COL24A1: variants seen among roughly 807,000 people sequenced by gnomAD.
COL24A1 encodes the protein collagen alpha-1(XXIV) chain.
A neutral mutation model predicts 253.9 loss-of-function variants in COL24A1; 224 were observed. That is an observed-to-expected ratio of 0.88 (90% CI 0.79 to 0.99). COL24A1 has a LOEUF of 0.99. COL24A1 is among the 50% of genes least tolerant of loss of function. COL24A1 has a pLI of 0.00. For synonymous variants in COL24A1, 685 were observed against 673.7 expected (o/e 1.02, Z -0.26); for missense variants, 2,131 against 2,068.5 (o/e 1.03, Z -0.59).
chr1:85,967,939 G>A (rs1032187936), intron 22 of COL24A1, among the ~76,000 whole-genome samples: 2 of 152,188 alleles, frequency 1.3e-5, no homozygotes, highest in Non-Finnish European at 1.5e-5. Context: ...TTGAGTCAGT[G>A]GGCTGGGGAA....
At chr1:85,957,293 C>T (rs1456911467) in intron 24 of COL24A1, among the ~76,000 whole-genome samples, 1 of 152,062 alleles carries the variant, frequency 6.6e-6, no homozygotes, top group Non-Finnish European at 1.5e-5. Flanking sequence ...ACCACCATGG[C>T]ACATGTATAC....
At chr1:85,935,898 T>C (rs920766842) in intron 24 of COL24A1, among the ~76,000 whole-genome samples, 1 of 147,392 alleles carries the variant, frequency 6.8e-6, no homozygotes, top group African/African-American at 2.5e-5. Flanking sequence ...AACCCTGCAA[T>C]AAGCTCCTTC....
At chr1:86,092,861 T>A (rs770204558) in intron 5 of COL24A1, among the ~76,000 whole-genome samples, 1 of 152,010 alleles carries the variant, frequency 6.6e-6, no homozygotes, top group Non-Finnish European at 1.5e-5. Context: ...TAGATAAGTT[T>A]CACAGTGTGG....
At chr1:85,788,281 T>C (rs536783530) in intron 47 of COL24A1, among the ~76,000 whole-genome samples, 61 of 152,070 alleles carry the variant, frequency 4.0e-4, no homozygotes, top group Non-Finnish European at 6.6e-4. Flanking sequence ...TTAACAGAGA[T>C]GTAGTTTCAC....
At chr1:85,842,167 T>C (rs1357556269) in intron 40 of COL24A1, 46 bp from the exon 41 acceptor site, 2 of 1,561,808 alleles carry the variant, frequency 1.3e-6, no homozygotes, top group Non-Finnish European at 8.8e-7. Flanking sequence ...ACCTAGATAT[T>C]AGATATTGCA....
intron 25 of COL24A1, 92 bp downstream of exon 25, chr1:85,911,288 T>C: frequency 1.0e-6 from 1 of 987,342 alleles, no homozygotes; most frequent in Non-Finnish European, 1.6e-6. Context: ...TATAAGTGAT[T>C]TCTAATTAAC....
intron 47 of COL24A1, among the ~76,000 whole-genome samples, chr1:85,810,640 T>C (rs1672436345): frequency 6.6e-6 from 1 of 152,104 alleles, no homozygotes; most frequent in African/African-American, 2.4e-5. Context: ...GTGCTGTCTT[T>C]CTGATAATGA....
At chr1:86,131,870 T>C (rs926778319) in intron 2 of COL24A1, among the ~76,000 whole-genome samples, 4 of 152,210 alleles carry the variant, frequency 2.6e-5, no homozygotes, top group Non-Finnish European at 4.4e-5. Context: ...CTTTTGGGTA[T>C]ATACCCAGTA....
chr1:85,740,661 T>C (rs1664509999), intron 57 of COL24A1, among the ~76,000 whole-genome samples: 1 of 151,886 alleles, frequency 6.6e-6, no homozygotes, highest in African/African-American at 2.4e-5. Context: ...TTTCACCACG[T>C]TGGCCTGGCT....
intron 2 of COL24A1, among the ~76,000 whole-genome samples, chr1:86,128,634 T>A (rs941094449): frequency 6.6e-6 from 1 of 151,940 alleles, no homozygotes; most frequent in Non-Finnish European, 1.5e-5. Context: ...GGAGTATTAT[T>A]TGAAAACTTT....
Position 86,115,368 on chromosome 1 carries a change from C to A in COL24A1, c.1502G>T (p.Gly501Val). Residue 501 changes from glycine (G) to valine (V), a missense_variant, in exon 4 of 60, where the codon GGT becomes GTT. Coordinates refer to ENST00000370571, the MANE Select transcript of COL24A1 (RefSeq NM_152890.7). ...TGACGGACCTGGGATACCTGCTGGA[C>A]CAGGTGGACCCTTGGAAAACAAATG... ...KGDTGPPGPP[G>V]PAGIPGPSGK... is the part of the protein sequence containing the mutation. 6.2e-7 allele frequency: 1 copy of A among 1,613,800 alleles called. No individual in the cohort carries two copies. Among genetic ancestry groups the A allele is most frequent in the Non-Finnish European group, 8.5e-7 (1 of 1,179,852 alleles).
chr1:85,748,258 T>TA (rs1468256296), intron 55 of COL24A1, among the ~76,000 whole-genome samples: 1 of 152,188 alleles, frequency 6.6e-6, no homozygotes, highest in Non-Finnish European at 1.5e-5. Context: ...AGTCTGTCAA[T>TA]AAAAAATGGT....
chr1:85,956,491 A>C (rs1342594451), intron 24 of COL24A1, among the ~76,000 whole-genome samples: 2 of 152,248 alleles, frequency 1.3e-5, no homozygotes, highest in Non-Finnish European at 2.9e-5. Flanking sequence ...GAGAGGACAC[A>C]GTAGATTTCT....
chr1:86,020,301 C>T (rs1433348912), intron 18 of COL24A1, among the ~76,000 whole-genome samples: 3 of 152,016 alleles, frequency 2.0e-5, no homozygotes, highest in Middle Eastern at 6.8e-3. Context: ...CTCCTGACCT[C>T]GTGATCCACC....
chr1:85,795,695 G>A (rs1379141206), intron 47 of COL24A1, among the ~76,000 whole-genome samples: 4 of 151,812 alleles, frequency 2.6e-5, no homozygotes, highest in Non-Finnish European at 4.4e-5. Flanking sequence ...AGAGCATTAT[G>A]TTTATATAGT....
At chr1:86,106,986 G>T (rs1705043314) in intron 5 of COL24A1, among the ~76,000 whole-genome samples, 1 of 152,102 alleles carries the variant, frequency 6.6e-6, no homozygotes, top group Admixed American at 6.6e-5. Flanking sequence ...ACTCTTCATA[G>T]AATTTCTATA....
intron 55 of COL24A1, among the ~76,000 whole-genome samples, chr1:85,746,754 G>A (rs1384849214): frequency 6.6e-6 from 1 of 152,150 alleles, no homozygotes; most frequent in African/African-American, 2.4e-5. Flanking sequence ...TGGCACAAAG[G>A]CCATGAGACA....
At chr1:86,003,709 C>T (rs955452366) in intron 19 of COL24A1, among the ~76,000 whole-genome samples, 4 of 151,904 alleles carry the variant, frequency 2.6e-5, no homozygotes, top group African/African-American at 4.8e-5. Flanking sequence ...AGAGAAGTGA[C>T]CTGAAGTGAG....
chr1:86,125,837 C>A lies in COL24A1; in HGVS notation c.499G>T (p.Ala167Ser). The change falls in exon 3 of 60, where the codon GCC becomes TCC. Residue 167 changes from alanine (A) to serine (S), a missense_variant. Ala to Ser is a moderately conservative substitution (Grantham distance 99, BLOSUM62 1). Transcript: ENST00000370571. ...SVHDEQWHSF[A>S]ITIRNQSVSM... ...ACACTTTGGTTTCTAATAGTAATGGCAAATGAGTGCCATTGCTCATCATGA... is the reference window on the plus strand; with the variant it reads ...ACACTTTGGTTTCTAATAGTAATGGAAAATGAGTGCCATTGCTCATCATGA... 1 of 1,613,256 alleles carries A rather than the reference C, an allele frequency of 6.2e-7. No homozygotes were observed. Among genetic ancestry groups the A allele is most frequent in the Non-Finnish European group, 8.5e-7 (1 of 1,179,700 alleles).
Sources: gnomAD v4.1 joint callset for allele counts (sites outside exome capture counted in the v4.1 genomes callset) on GRCh38, gnomAD v4.1.1 for gene constraint, MANE v1.5 for transcripts, NCBI Gene and HGNC (gene_info 2026-07-23, HGNC 2026-07-21) for gene names.